PIDD1: variants seen among roughly 807,000 people sequenced by gnomAD.
PIDD1 encodes p53-induced death domain-containing protein 1.
Under a neutral mutation model 80.0 loss-of-function variants are expected in PIDD1, and 72 were observed. The ratio of observed to expected loss-of-function variants is 0.90; its 90% CI spans 0.74 to 1.09. The LOEUF is 1.09. Ranked by LOEUF, PIDD1 falls within the 50% of genes least tolerant of loss-of-function variation. The probability of loss-of-function intolerance (pLI) is 0.00; values close to 1 mark genes in which losing one functional copy is unlikely to be tolerated. For synonymous variants in PIDD1, 655 were observed against 543.5 expected, an observed-to-expected ratio of 1.21 and a Z score of -2.85; for missense variants, 1,329 against 1,228.3, an observed-to-expected ratio of 1.08 and a Z score of -1.23.
intron 9 of PIDD1, 27 bp from the exon 10 acceptor site, chr11:801,147 A>G (rs1403474972): frequency 2.6e-6 from 4 of 1,548,304 alleles, no homozygotes; most frequent in Non-Finnish European, 2.6e-6. Flanking sequence ...CAGCGAGCTG[A>G]GGCCTCCTGG....
rs778479684 is a variant in PIDD1 at position 799,506 on chromosome 11, CCAGCCTGGCGCT to C, written c.2522_2533del (p.Glu841_Ala844del). The C allele has an allele frequency of 2.9e-5, 47 of 1,606,798 alleles. No individual in the cohort carries two copies. Among genetic ancestry groups the C allele is most frequent in the Non-Finnish European group, 1.5e-5 (18 of 1,179,806 alleles). ...CAGGAGCCCCACAGCCCCTGGCTGC[CCAGCCTGGCGCT>C]CAGCCCAGGAGAAGAGCATGTGACG... On this transcript the variant is annotated inframe_deletion, in exon 16 of 16. Coordinates refer to ENST00000347755, the MANE Select transcript of PIDD1 (RefSeq NM_145886.4).
At chr11:802,624 G>A (rs778353228) in intron 4 of PIDD1, 27 bp from the exon 5 acceptor site, 7 of 1,610,174 alleles carry the variant, frequency 4.3e-6, no homozygotes, top group Middle Eastern at 3.3e-4. Context: ...CATGTGCTCA[G>A]GACAGTGAGG....
chr11:800,543 C>CAGGGCAGGG lies in PIDD1; in HGVS notation c.2040_2041insCCCTGCCCT (p.Ala680_Asp681insProCysPro). The CAGGGCAGGG allele has an allele frequency of 6.7e-7, 1 of 1,494,222 alleles. No individual in the cohort carries two copies. The highest frequency in any genetic ancestry group is 9.2e-7 in the Non-Finnish European group (1 of 1,091,908). The allele number at this position is 1,494,222 out of a possible 1,614,324, so 92.6% of individuals were successfully genotyped here. ...AGGGAGCATCCACCAGCATCCCTAC[C>CAGGGCAGGG]AGCATCCACGTCGATGCCGCGCTCG... On this transcript the variant is annotated inframe_insertion and splice_region_variant, in exon 12 of 16. Coordinates refer to ENST00000347755, the MANE Select transcript of PIDD1 (RefSeq NM_145886.4).
upstream of PIDD1, chr11:805,337 G>C (rs541393628): frequency 3.3e-5 from 19 of 567,842 alleles, no homozygotes; most frequent in African/African-American, 3.6e-4. Flanking sequence ...GTCCACGGGG[G>C]AGGTCTCCCG....
chr11:804,066 G>A (rs767789164), intron 2 of PIDD1, 28 bp downstream of exon 2: 55 of 1,576,272 alleles, frequency 3.5e-5, no homozygotes, highest in Non-Finnish European at 4.3e-5. Flanking sequence ...GAGAGATGGA[G>A]ACAGGGCCCA....
Position 800,900 on chromosome 11 carries a change from C to T in PIDD1, c.1779G>A (p.Trp593Ter), listed in dbSNP as rs1456175435. ...QVTHFSWYWL[W>*]YTTKNCVGGL... ...CTCCCACACAGTTCTTGGTGGTGTA[C>T]CAGAGCCAGTACCTGGGAGAGCTGG... Residue 593 changes from tryptophan (W) to a stop codon, truncating the protein, a stop_gained, in exon 11 of 16, where the codon TGG (tryptophan) becomes TGA (stop). Coordinates refer to ENST00000347755, the MANE Select transcript of PIDD1 (RefSeq NM_145886.4). LOFTEE classifies it high-confidence loss of function. 1 of 1,591,242 alleles carries T rather than the reference C, an allele frequency of 6.3e-7. No homozygotes were observed. The highest frequency in any genetic ancestry group is 8.5e-7 in the Non-Finnish European group (1 of 1,169,680).
Position 802,764 on chromosome 11 carries a change from G to T in PIDD1, c.837C>A (p.Pro279=). The T allele has an allele frequency of 6.2e-7, 1 of 1,610,224 alleles. No homozygotes were observed. The highest frequency in any genetic ancestry group is 8.5e-7 in the Non-Finnish European group (1 of 1,178,838). Residue 279 remains proline (P), a synonymous_variant, in exon 4 of 16, where the codon CCC becomes CCA. Transcript: ENST00000347755. The part of the protein sequence containing the change: ...DLRDNQLRDL[P]PELLDAPFVR... ...CAAAGGGGGCGTCTAGCAGCTCAGG[G>T]GGCAGGTCCCGGAGCTGGTTGTCCC...
rs1865533486 is a variant in PIDD1, at chr11:803,317, G to A, written c.566C>T (p.Ala189Val). 1 of 1,613,624 alleles carries A rather than the reference G, an allele frequency of 6.2e-7. No homozygotes were observed. Among genetic ancestry groups the A allele is most frequent in the South Asian group, 1.1e-5 (1 of 91,076 alleles). Residue 189 changes from alanine (A) to valine (V), a missense_variant, in exon 3 of 16, where the codon GCA becomes GTA. Ala to Val is a moderately conservative substitution (Grantham distance 64). Coordinates refer to ENST00000347755, the MANE Select transcript of PIDD1 (RefSeq NM_145886.4). ...CTGCAGGGTGGATAGGGCCCCCAGT[G>A]CTGGGGGCAGCGTCTGCAGGCGGTT... ...THNRLQTLPP[A>V]LGALSTLQRL...
chr11:802,334 G>A lies in PIDD1; in HGVS notation c.1037C>T (p.Pro346Leu), dbSNP rs978091165. The stretch of plus-strand genomic sequence containing the variant: ...GATGGGGGTGGCGGTGGCTCCCGCT[G>A]GGAACTGCAGGCGGACGCCACAGGC... ...TLACGVRLQF[P>L]AGATATPITI... is the part of the protein sequence containing the mutation. Residue 346 changes from proline to leucine, a missense_variant, in exon 6 of 16, where the codon CCA (proline) becomes CTA (leucine). Transcript: ENST00000347755. 27 of 1,611,808 alleles carry A rather than the reference G, an allele frequency of 1.7e-5. No homozygotes were observed. The highest frequency in any genetic ancestry group is 2.3e-5 in the Non-Finnish European group (27 of 1,179,784).
rs374112103 is a variant in PIDD1, at chr11:803,596, G to A, written c.296-9C>T. Reference sequence around the variant, plus strand: ...GTCCCGGCGTTGCCCTCCTGGGAAGGGGGGAGGCGGATGTGGCCCTCAGAG... The same window carrying A: ...GTCCCGGCGTTGCCCTCCTGGGAAGAGGGGAGGCGGATGTGGCCCTCAGAG... On this transcript the variant is annotated splice_polypyrimidine_tract_variant and intron_variant, in intron 2 of 15. Coordinates refer to ENST00000347755, the MANE Select transcript of PIDD1 (RefSeq NM_145886.4). The A allele has an allele frequency of 3.8e-6, 6 of 1,598,616 alleles. No individual in the cohort carries two copies. Among genetic ancestry groups the A allele is most frequent in the Non-Finnish European group, 4.3e-6 (5 of 1,172,536 alleles).
chr11:806,224 G>A (rs1401825582), upstream of PIDD1: 1 of 152,418 alleles, frequency 6.6e-6, no homozygotes, highest in Non-Finnish European at 1.5e-5. Context: ...GCGGGCCTGT[G>A]CTTTATTCAC....
chr11:801,636 GA>G lies in PIDD1; in HGVS notation c.1303-13del, dbSNP rs749633158. On this transcript the variant is annotated splice_polypyrimidine_tract_variant and intron_variant, in intron 7 of 15. Coordinates refer to ENST00000347755, the MANE Select transcript of PIDD1 (RefSeq NM_145886.4). ...TGAGCCCAGAGCCGCTGGGATGGGG[GA>G]GAGAGGAGGTCACAGGAGCCTGGGT... is the stretch of plus-strand genomic sequence containing the variant. 120 of 1,549,228 alleles carry G rather than the reference GA, an allele frequency of 7.7e-5. No individual in the cohort carries two copies. The highest frequency in any genetic ancestry group is 3.0e-4 in the South Asian group (25 of 84,060).
upstream of PIDD1, chr11:805,346 C>T (rs912472182): frequency 2.8e-4 from 137 of 494,676 alleles, no homozygotes; most frequent in African/African-American, 8.0e-4. Context: ...GGAGGTCTCC[C>T]GGCTCCTCCC....
At chr11:800,714 C>G in intron 11 of PIDD1, 48 bp from the exon 12 acceptor site, 1 of 1,550,270 alleles carries the variant, frequency 6.5e-7, no homozygotes, top group Non-Finnish European at 8.7e-7. Flanking sequence ...TGCACCCCAC[C>G]CCAGCCCTCT....
intron 15 of PIDD1, 22 bp from the exon 16 acceptor site, chr11:799,587 CAG>C: frequency 6.3e-7 from 1 of 1,575,440 alleles, no homozygotes; most frequent in Non-Finnish European, 8.6e-7. Context: ...GGATGGGCGA[CAG>C]AGGGGTCCTG....
Position 801,632 on chromosome 11 carries a change from G to C in PIDD1, c.1303-8C>G, listed in dbSNP as rs1416126353. On this transcript the variant is annotated splice_polypyrimidine_tract_variant and splice_region_variant and intron_variant, in intron 7 of 15. Coordinates refer to ENST00000347755, the MANE Select transcript of PIDD1 (RefSeq NM_145886.4). ...GCAGTGAGCCCAGAGCCGCTGGGAT[G>C]GGGGAGAGAGGAGGTCACAGGAGCC... The C allele has an allele frequency of 9.7e-6, 14 of 1,439,428 alleles. No homozygotes were observed. Among genetic ancestry groups the C allele is most frequent in the Middle Eastern group, 1.7e-4 (1 of 5,718 alleles). The allele number at this position is 1,439,428 out of a possible 1,614,324, so 89.2% of individuals were successfully genotyped here. A position where few individuals can be genotyped will look rare whatever the true frequency, so the allele number is the denominator to read the frequency against.
chr11:800,145 G>T lies in PIDD1; in HGVS notation c.2260C>A (p.Pro754Thr). 1 of 1,610,054 alleles carries T rather than the reference G, an allele frequency of 6.2e-7. No individual in the cohort carries two copies. The highest frequency in any genetic ancestry group is 8.5e-7 in the Non-Finnish European group (1 of 1,179,078). ...CTCAGTCCCACCGGCAGCTTGATGG[G>T]CAGAGTGGCCATCCACAGGGCGTCT... ...GADALWMATL[P>T]IKLPRLRGSE... Residue 754 changes from proline (P) to threonine (T), a missense_variant, in exon 14 of 16, where the codon CCC becomes ACC. Pro to Thr is a conservative substitution (Grantham distance 38). Transcript: ENST00000347755.
At chr11:807,722 A>G (rs1865848428), upstream of PIDD1, among the ~76,000 whole-genome samples, 1 of 152,184 alleles carries the variant, frequency 6.6e-6, no homozygotes, top group South Asian at 2.1e-4. Context: ...GGTTGCAGTG[A>G]GCCAAGATCA....
At chr11:803,153 C>A in intron 3 of PIDD1, 21 bp downstream of exon 3, 1 of 1,539,436 alleles carries the variant, frequency 6.5e-7, no homozygotes, top group South Asian at 1.2e-5. Context: ...GCCAGTGTGT[C>A]GGGGCGCAGG....
Sources: allele counts gnomAD v4.1 joint callset (sites outside exome capture counted in the v4.1 genomes callset), GRCh38; gene constraint gnomAD v4.1.1; transcripts MANE v1.5; gene names NCBI Gene and HGNC (gene_info 2026-07-23, HGNC 2026-07-21).